Variants in CYP4Z1 observed in about 807,000 individuals in gnomAD.
CYP4Z1 encodes cytochrome P450 family 4 subfamily Z member 1, also known as cytochrome P450 4Z1.
CYP4Z1 carries 41 observed loss-of-function variants against 54.2 expected under a neutral mutation model. That is an observed-to-expected ratio of 0.76 (90% CI 0.59 to 0.98). CYP4Z1 has a LOEUF of 0.98. Ranked by LOEUF, CYP4Z1 falls within the 50% of genes least tolerant of loss-of-function variation. The pLI is 0.00. For synonymous variants in CYP4Z1, 163 were observed against 206.2 expected, an observed-to-expected ratio of 0.79 and a Z score of 1.79; for missense variants, 513 against 599.0, an observed-to-expected ratio of 0.86 and a Z score of 1.50.
chr1:47,103,230 A>G (rs879632638), intron 8 of CYP4Z1, among the ~76,000 whole-genome samples: 8 of 151,538 alleles, frequency 5.3e-5, no homozygotes, highest in Non-Finnish European at 1.0e-4. Context: ...CCCAGGCTGG[A>G]GTGTAGTGGC....
At chr1:47,098,310 GTTC>G (rs1644695326) in intron 7 of CYP4Z1, among the ~76,000 whole-genome samples, 1 of 152,148 alleles carries the variant, frequency 6.6e-6, no homozygotes, top group African/African-American at 2.4e-5. Context: ...GTGGTTTGTA[GTTC>G]TTCTCGAAAA....
chr1:47,106,504 G>A (rs4926806), intron 9 of CYP4Z1, among the ~76,000 whole-genome samples: 65,086 of 151,572 alleles, frequency 0.43, 15,327 homozygotes, highest in East Asian at 0.96. Flanking sequence ...GGGGGCCTTC[G>A]TGAAGCATCA....
intron 2 of CYP4Z1, among the ~76,000 whole-genome samples, chr1:47,069,014 A>C (rs1427904636): frequency 6.6e-6 from 1 of 152,232 alleles, no homozygotes; most frequent in Non-Finnish European, 1.5e-5. Context: ...TGCTTCCATC[A>C]CATTTACTTA....
At chr1:47,100,486 T>G (rs1644713315) in intron 8 of CYP4Z1, among the ~76,000 whole-genome samples, 1 of 152,226 alleles carries the variant, frequency 6.6e-6, no homozygotes, top group African/African-American at 2.4e-5. Flanking sequence ...ATCCAGGATG[T>G]GAAGCATTTC....
chr1:47,107,004 A>ATTTGT (rs1644761655), intron 9 of CYP4Z1, among the ~76,000 whole-genome samples: 1 of 152,226 alleles, frequency 6.6e-6, no homozygotes. Flanking sequence ...TTGATTGGGC[A>ATTTGT]ATCTAATTAA....
At chr1:47,057,361 T>A in the CYP4Z1 span, among the ~76,000 whole-genome samples, 1,975 of 113,112 alleles carry the variant, frequency 0.017, 237 homozygotes, top group South Asian at 0.047. Flanking sequence ...TATATATATA[T>A]ATATATATAT....
intron 2 of CYP4Z1, among the ~76,000 whole-genome samples, chr1:47,079,950 G>C: frequency 6.6e-6 from 1 of 151,538 alleles, no homozygotes; most frequent in South Asian, 2.1e-4. Flanking sequence ...TAGAACTCAA[G>C]GTATTTTATA....
chr1:47,061,615 T>C, the CYP4Z1 span, among the ~76,000 whole-genome samples: 1 of 152,182 alleles, frequency 6.6e-6, no homozygotes, highest in Non-Finnish European at 1.5e-5. Flanking sequence ...AAAGAAGAAC[T>C]GGTAGCATTC....
At chr1:47,056,598 G>A in the CYP4Z1 span, among the ~76,000 whole-genome samples, 33 of 152,232 alleles carry the variant, frequency 2.2e-4, no homozygotes, top group East Asian at 6.4e-3. Flanking sequence ...ATGAATCTGG[G>A]TGCTCCTGTA....
chr1:47,057,335 A>AAAAAAAAAAAAAAAAAAAAAATAT, the CYP4Z1 span, among the ~76,000 whole-genome samples: 1 of 28,486 alleles, frequency 3.5e-5, no homozygotes, highest in Non-Finnish European at 8.4e-5. Context: ...AAGAAAAAAA[A>AAAAAAAAAAAAAAAAAAAAAATAT]ATATATATAT....
In CYP4Z1 at chr1:47,068,656, A is replaced by G. The variant is rs749021898; in HGVS notation, c.212A>G (p.Lys71Arg). ...YPVKEFEVYH[K>R]LMEKYPCAVP... ...GTAAAGGAGTTTGAGGTGTATCATAAGCTGATGGAAAAATACCCATGTGCT... is the reference window on the plus strand; with the variant it reads ...GTAAAGGAGTTTGAGGTGTATCATAGGCTGATGGAAAAATACCCATGTGCT... The change falls in exon 2 of 12, where the codon AAG becomes AGG. Residue 71 changes from lysine (K) to arginine (R), a missense_variant. By Grantham distance (26) the Lys-to-Arg change is conservative. Transcript: ENST00000334194. 1.1e-5 allele frequency: 18 copies of G among 1,614,046 alleles called. No individual in the cohort carries two copies. Among genetic ancestry groups the G allele is most frequent in the Admixed American group, 1.7e-5 (1 of 59,992 alleles).
In CYP4Z1 at chr1:47,095,928, C is replaced by A. The variant is rs150358083; in HGVS notation, c.876+1259C>A. On this transcript the variant is annotated intron_variant, in intron 7 of 11. Transcript: ENST00000334194. The stretch of plus-strand genomic sequence containing the variant: ...AAATAAACAAATACTCTGTGAGGGA[C>A]CAAAAATAAATAGATACTCTGTGAG... Among the ~76,000 whole-genome samples, 754 of 152,078 alleles carry A rather than the reference C, an allele frequency of 5.0e-3. 7 individuals are homozygous for A. Among genetic ancestry groups the A allele is most frequent in the African/African-American group, 0.017 (706 of 41,482 alleles).
At chr1:47,089,855 C>T (rs1261905404) in intron 6 of CYP4Z1, among the ~76,000 whole-genome samples, 1 of 152,284 alleles carries the variant, frequency 6.6e-6, no homozygotes, top group Non-Finnish European at 1.5e-5. Flanking sequence ...TGCCCCTTCA[C>T]AGCAGTTAGG....
chr1:47,103,599 T>C (rs1307724605), intron 8 of CYP4Z1, among the ~76,000 whole-genome samples: 5 of 147,516 alleles, frequency 3.4e-5, no homozygotes, highest in African/African-American at 7.4e-5. Flanking sequence ...TTTTTTCTTT[T>C]TTTTTTTTTT....
chr1:47,057,005 T>C, the CYP4Z1 span, among the ~76,000 whole-genome samples: 1 of 152,112 alleles, frequency 6.6e-6, no homozygotes, highest in African/African-American at 2.4e-5. Context: ...ATGCAGTTTC[T>C]TCCTAGCTTC....
At position 47,115,977 on chromosome 1, in the gene CYP4Z1, T is replaced by G. The variant is rs1644827112; in HGVS notation, c.1266+384T>G. On this transcript the variant is annotated intron_variant, in intron 10 of 11. Coordinates refer to ENST00000334194, the MANE Select transcript of CYP4Z1 (RefSeq NM_178134.3). ...TAAAGTAGCAAGATTATGGACTCTT[T>G]GCTTTTTTTAAGATTTGAGCATATT... 2.0e-5 allele frequency among the ~76,000 whole-genome samples: 3 copies of G among 152,198 alleles called. No individual in the cohort carries two copies. The South Asian group carries it at 6.2e-4, about 32-fold the overall frequency.
chr1:47,084,999 G>A lies in CYP4Z1; in HGVS notation c.772+21G>A, dbSNP rs1009165286. The A allele has an allele frequency of 1.6e-5, 17 of 1,039,036 alleles. No individual in the cohort carries two copies. The African/African-American group carries it at 2.6e-4, about 16-fold the overall frequency. 64.4% of individuals were successfully genotyped at this position (1,039,036 alleles called of 1,614,324 possible). A position where few individuals can be genotyped will look rare whatever the true frequency, so the allele number is the denominator to read the frequency against. On this transcript the variant is annotated intron_variant, in intron 6 of 11. Transcript: ENST00000334194. The stretch of plus-strand genomic sequence containing the variant: ...CACAGGTTAGTCCTGGGATTTACAT[G>A]GCCAGAGTCCACTATGAGACATCTC...
intron 8 of CYP4Z1, among the ~76,000 whole-genome samples, chr1:47,103,972 A>C (rs6693145): frequency 0.43 from 65,387 of 151,916 alleles, 15,426 homozygotes; most frequent in East Asian, 0.96. Context: ...TGATTGGGAT[A>C]TGTTGCTGGA....
chr1:47,099,591 A>C (rs2148536778), intron 8 of CYP4Z1, among the ~76,000 whole-genome samples: 1 of 151,888 alleles, frequency 6.6e-6, no homozygotes, highest in South Asian at 2.1e-4. Flanking sequence ...AATATAACAA[A>C]CCCCTCTTTC....
Sources: allele counts gnomAD v4.1 joint callset (sites outside exome capture counted in the v4.1 genomes callset), GRCh38; gene constraint gnomAD v4.1.1; transcripts MANE v1.5; gene names NCBI Gene and HGNC (gene_info 2026-07-23, HGNC 2026-07-21).